Variants in HOXA1 observed in about 807,000 individuals in gnomAD.
The protein encoded by HOXA1 is homeobox protein Hox-A1.
Under a neutral mutation model 28.3 loss-of-function variants are expected in HOXA1, and 21 were observed. The ratio of observed to expected loss-of-function variants is 0.74; its 90% CI spans 0.53 to 1.07. The LOEUF (loss-of-function observed/expected upper bound fraction) is 1.07, where lower values mean the gene tolerates loss of function less well. HOXA1 is among the 50% of genes least tolerant of loss of function. HOXA1 has a pLI of 0.00. For missense variants in HOXA1, 446 were observed against 434.3 expected (o/e 1.03, Z -0.24); for synonymous variants, 208 against 181.2 (o/e 1.15, Z -1.19).
rs141900601 is a variant in HOXA1 at position 27,094,696 on chromosome 7, T to C, written c.752A>G (p.Asn251Ser). Residue 251 changes from asparagine (N) to serine (S), a missense_variant, in exon 2 of 2, where the codon AAC (asparagine) becomes AGC (serine). Physicochemically the swap from Asn to Ser is conservative, Grantham distance 46. Transcript: ENST00000643460. Reference protein sequence around the residue: ...LTELEKEFHFNKYLTRARRVE... With the variant: ...LTELEKEFHFSKYLTRARRVE... Reference sequence around the variant, plus strand: ...CCTGCGGGCGCGCGTCAGGTACTTGTTGAAGTGGAACTCCTTCTCCAGTTC... The same window carrying C: ...CCTGCGGGCGCGCGTCAGGTACTTGCTGAAGTGGAACTCCTTCTCCAGTTC... 14 of 1,614,062 alleles carry C rather than the reference T, an allele frequency of 8.7e-6. No homozygotes were observed. The highest frequency in any genetic ancestry group is 1.1e-5 in the Non-Finnish European group (13 of 1,180,034).
rs751378994 is a variant in HOXA1, at chr7:27,095,729, C to T, written c.184G>A (p.Gly62Ser). ...TGGTGGTGGTGGTGGTGGGGCGAACCGATCTGCACCCCCCTGCCCACTAGG... is the reference window on the plus strand; with the variant it reads ...TGGTGGTGGTGGTGGTGGGGCGAACTGATCTGCACCCCCCTGCCCACTAGG... Reference protein sequence around the residue: ...RFLVGRGVQIGSPHHHHHHHH... With the variant: ...RFLVGRGVQISSPHHHHHHHH... Residue 62 changes from glycine (G) to serine (S), a missense_variant, in exon 1 of 2, where the codon GGT becomes AGT. By Grantham distance (56) the Gly-to-Ser change is moderately conservative (BLOSUM62 0). Transcript: ENST00000643460. The T allele has an allele frequency of 3.1e-6, 5 of 1,613,226 alleles. No individual in the cohort carries two copies. The highest frequency in any genetic ancestry group is 1.7e-4 in the Middle Eastern group (1 of 6,060).
chr7:27,095,172 A>T, intron 1 of HOXA1, 89 bp downstream of exon 1: 14 of 1,438,132 alleles, frequency 9.7e-6, no homozygotes, highest in Non-Finnish European at 1.2e-5. Flanking sequence ...GCCTTTTAAA[A>T]AAAAGATCAT....
In HOXA1 at chr7:27,094,165, T is replaced by C. The variant is rs1224503749; in HGVS notation, c.*275A>G. The C allele has an allele frequency of 2.2e-6, 1 of 458,380 alleles. No homozygotes were observed. The highest frequency in any genetic ancestry group is 2.0e-5 in the African/African-American group (1 of 50,868). The allele number at this position is 458,380 out of a possible 1,614,324, so 28.4% of individuals were successfully genotyped here. A position where few individuals can be genotyped will look rare whatever the true frequency, so the allele number is the denominator to read the frequency against. ...CCAAAAGGTCATCTGAAAGGAACAGTAGGTTCTGTGAATTCTCCTAAAAGC... is the reference window on the plus strand; with the variant it reads ...CCAAAAGGTCATCTGAAAGGAACAGCAGGTTCTGTGAATTCTCCTAAAAGC... On this transcript the variant is annotated 3_prime_UTR_variant, in exon 2 of 2. Coordinates refer to ENST00000643460, the MANE Select transcript of HOXA1 (RefSeq NM_005522.5).
In HOXA1 at chr7:27,094,517, A is replaced by G; in HGVS notation, c.931T>C (p.Ser311Pro). ...CAGGGCGAAGAGCTGGACTTCTCTG[A>G]GGATTCCTCGGCCTTCTCGTCGTTT... is the stretch of plus-strand genomic sequence containing the variant. ...PGNDEKAEES[S>P]EKSSSSPCVP... Residue 311 changes from serine (S) to proline (P), a missense_variant, in exon 2 of 2, where the codon TCA becomes CCA. Coordinates refer to ENST00000643460, the MANE Select transcript of HOXA1 (RefSeq NM_005522.5). 2 of 1,614,210 alleles carry G rather than the reference A, an allele frequency of 1.2e-6. No individual in the cohort carries two copies. Among genetic ancestry groups the G allele is most frequent in the Non-Finnish European group, 1.7e-6 (2 of 1,180,042 alleles).
chr7:27,094,008 C>T lies in HOXA1; in HGVS notation c.*432G>A, dbSNP rs143106423. On this transcript the variant is annotated 3_prime_UTR_variant, in exon 2 of 2. Coordinates refer to ENST00000643460, the MANE Select transcript of HOXA1 (RefSeq NM_005522.5). Reference sequence around the variant, plus strand: ...GTAAACATATAGTGCATCTCTTCTTCCTGAGCTCCTGGACTCGCCTTTCGC... The same window carrying T: ...GTAAACATATAGTGCATCTCTTCTTTCTGAGCTCCTGGACTCGCCTTTCGC... 15 of 186,908 alleles carry T rather than the reference C, an allele frequency of 8.0e-5. No individual in the cohort carries two copies. Among genetic ancestry groups the T allele is most frequent in the Non-Finnish European group, 1.5e-4 (13 of 87,212 alleles). The allele number at this position is 186,908 out of a possible 1,614,324, so 11.6% of individuals were successfully genotyped here.
intron 1 of HOXA1, 26 bp from the exon 2 acceptor site, chr7:27,094,821 A>T: frequency 6.3e-7 from 1 of 1,576,256 alleles, no homozygotes; most frequent in South Asian, 1.1e-5. Context: ...AAGCCATGAG[A>T]CGGAAATGTA....
chr7:27,095,467 T>C lies in HOXA1; in HGVS notation c.446A>G (p.Tyr149Cys). Reference protein sequence around the residue: ...MVQHHHHHQGYAGGAVGSPQY... With the variant: ...MVQHHHHHQGCAGGAVGSPQY... ...AGGCGAGCCCACCGCGCCCCCAGCA[T>C]AACCCTGGTGGTGGTGGTGATGCTG... The change falls in exon 1 of 2, where the codon TAT becomes TGT. Residue 149 changes from tyrosine to cysteine, a missense_variant. Transcript: ENST00000643460. The C allele has an allele frequency of 6.2e-7, 1 of 1,614,142 alleles. No homozygotes were observed. Among genetic ancestry groups the C allele is most frequent in the Non-Finnish European group, 8.5e-7 (1 of 1,180,026 alleles).
In HOXA1 at chr7:27,093,555, A is replaced by T. The variant is rs1446822386; in HGVS notation, c.*885T>A. ...CATTGTGCCATCCATCACATTAACA[A>T]TTGAGCTGAAAATACATTATATCCA... is the stretch of plus-strand genomic sequence containing the variant. On this transcript the variant is annotated 3_prime_UTR_variant, in exon 2 of 2. Coordinates refer to ENST00000643460, the MANE Select transcript of HOXA1 (RefSeq NM_005522.5). The T allele has an allele frequency of 6.5e-6, 1 of 152,706 alleles. No individual in the cohort carries two copies. The highest frequency in any genetic ancestry group is 1.5e-5 in the Non-Finnish European group (1 of 68,052). 9.5% of individuals were successfully genotyped at this position (152,706 alleles called of 1,614,324 possible). A position where few individuals can be genotyped will look rare whatever the true frequency, so the allele number is the denominator to read the frequency against.
At position 27,095,782 on chromosome 7, in the gene HOXA1, G is replaced by T; in HGVS notation, c.131C>A (p.Ala44Asp). The T allele has an allele frequency of 6.2e-7, 1 of 1,613,434 alleles. No individual in the cohort carries two copies. The highest frequency in any genetic ancestry group is 8.5e-7 in the Non-Finnish European group (1 of 1,179,602). Residue 44 changes from alanine to aspartate, a missense_variant, in exon 1 of 2, where the codon GCC becomes GAC. Physicochemically the swap from Ala to Asp is moderately radical, Grantham distance 126. Transcript: ENST00000643460. ...GCGGTCGTCGCCGCCGCAACTGTTG[G>T]CGCTGACCGCGCACGACTGGAAAGT... ...ITTFQSCAVS[A>D]NSCGGDDRFL...
Position 27,093,390 on chromosome 7 carries a change from G to C in HOXA1, c.*1050C>G, listed in dbSNP as rs1362896154. The stretch of plus-strand genomic sequence containing the variant: ...GATCATATCACTCCAGGATCTCAGA[G>C]CTGTTCATGATTGTACAGGAAATGG... On this transcript the variant is annotated 3_prime_UTR_variant, in exon 2 of 2. Coordinates refer to ENST00000643460, the MANE Select transcript of HOXA1 (RefSeq NM_005522.5). The C allele has an allele frequency of 6.6e-6, 1 of 152,630 alleles. No individual in the cohort carries two copies. The highest frequency in any genetic ancestry group is 1.5e-5 in the Non-Finnish European group (1 of 68,036). The allele number at this position is 152,630 out of a possible 1,614,324, so 9.5% of individuals were successfully genotyped here. A position where few individuals can be genotyped will look rare whatever the true frequency, so the allele number is the denominator to read the frequency against.
In HOXA1 at chr7:27,095,297, C is replaced by G. The variant is rs1396188553; in HGVS notation, c.616G>C (p.Asp206His). 1 of 1,613,932 alleles carries G rather than the reference C, an allele frequency of 6.2e-7. No homozygotes were observed. The highest frequency in any genetic ancestry group is 1.3e-5 in the African/African-American group (1 of 74,890). ...SETSSPAQTF[D>H]WMKVKRNPPK... is the part of the protein sequence containing the mutation. ...GGGTTTCTTTTGACTTTCATCCAGT[C>G]AAAAGTCTGCGCTGGAGAAGATGTC... The change falls in exon 1 of 2, where the codon GAC (aspartate) becomes CAC (histidine). Residue 206 changes from aspartate (D) to histidine (H), a missense_variant. Coordinates refer to ENST00000643460, the MANE Select transcript of HOXA1 (RefSeq NM_005522.5).
rs772220119 is a variant in HOXA1 at position 27,095,890 on chromosome 7, G to A, written c.23C>T (p.Ser8Phe). Residue 8 changes from serine (S) to phenylalanine (F), a missense_variant, in exon 1 of 2, where the codon TCC (serine) becomes TTC (phenylalanine). Physicochemically the swap from Ser to Phe is radical, Grantham distance 155. Transcript: ENST00000643460. The stretch of plus-strand genomic sequence containing the variant: ...GCTAAGTATGGGGTATTCCAGGAAG[G>A]AGTTCATTCTTGCATTGTCCATCTG... MDNARMN[S>F]FLEYPILSSG... The A allele has an allele frequency of 3.1e-6, 5 of 1,613,706 alleles. No homozygotes were observed. The highest frequency in any genetic ancestry group is 4.2e-6 in the Non-Finnish European group (5 of 1,180,010).
rs1292363086 is a variant in HOXA1 at position 27,095,803 on chromosome 7, A to C, written c.110T>G (p.Phe37Cys). The change falls in exon 1 of 2, where the codon TTC (phenylalanine) becomes TGC (cysteine). Residue 37 changes from phenylalanine to cysteine, a missense_variant. Phe to Cys is a radical substitution (Grantham distance 205). Transcript: ENST00000643460. ...AYPSDHRITT[F>C]QSCAVSANSC... ...GTTGGCGCTGACCGCGCACGACTGG[A>C]AAGTTGTAATCCTATGGTCCGAGGG... The C allele has an allele frequency of 1.2e-6, 2 of 1,613,664 alleles. No homozygotes were observed. The highest frequency in any genetic ancestry group is 1.7e-6 in the Non-Finnish European group (2 of 1,179,742).
Position 27,093,521 on chromosome 7 carries a change from A to G in HOXA1, c.*919T>C, listed in dbSNP as rs895323967. The stretch of plus-strand genomic sequence containing the variant: ...AAAGACTATTCACGAATAACACAAA[A>G]TATACATTCATTGTGCCATCCATCA... On this transcript the variant is annotated 3_prime_UTR_variant, in exon 2 of 2. Transcript: ENST00000643460. The G allele has an allele frequency of 6.5e-6, 1 of 152,678 alleles. No homozygotes were observed. 9.5% of individuals were successfully genotyped at this position (152,678 alleles called of 1,614,324 possible). A position where few individuals can be genotyped will look rare whatever the true frequency, so the allele number is the denominator to read the frequency against.
intron 1 of HOXA1, 132 bp from the exon 2 acceptor site, chr7:27,094,927 G>T (rs746342260): frequency 5.6e-5 from 41 of 731,904 alleles, no homozygotes; most frequent in Non-Finnish European, 9.2e-5. Context: ...GGCTGTGGAG[G>T]GTGAGTGATG....
chr7:27,095,971 TCCTC>T lies in HOXA1; in HGVS notation c.-63_-60del. ...GCGTGACTGTGCCAACTTTCTCACT[TCCTC>T]CATGGGGCCGGAGAAGAAAAATGAT... On this transcript the variant is annotated 5_prime_UTR_variant, in exon 1 of 2. It introduces an in-frame stop codon into an upstream open reading frame of the 5' UTR. Transcript: ENST00000643460. The T allele has an allele frequency of 4.4e-6, 5 of 1,134,118 alleles. No individual in the cohort carries two copies. The highest frequency in any genetic ancestry group is 4.8e-6 in the Non-Finnish European group (4 of 828,440). The allele number at this position is 1,134,118 out of a possible 1,614,324, so 70.3% of individuals were successfully genotyped here.
rs1483031305 is a variant in HOXA1, at chr7:27,093,369, A to T, written c.*1071T>A. On this transcript the variant is annotated 3_prime_UTR_variant, in exon 2 of 2. Transcript: ENST00000643460. Reference sequence around the variant, plus strand: ...AGACCCGTAAACTCTGCTCTGGATCATATCACTCCAGGATCTCAGAGCTGT... The same window carrying T: ...AGACCCGTAAACTCTGCTCTGGATCTTATCACTCCAGGATCTCAGAGCTGT... 2 of 152,678 alleles carry T rather than the reference A, an allele frequency of 1.3e-5. No individual in the cohort carries two copies. The highest frequency in any genetic ancestry group is 4.8e-5 in the African/African-American group (2 of 41,452). The allele number at this position is 152,678 out of a possible 1,614,324, so 9.5% of individuals were successfully genotyped here. A position where few individuals can be genotyped will look rare whatever the true frequency, so the allele number is the denominator to read the frequency against.
At position 27,094,549 on chromosome 7, in the gene HOXA1, G is replaced by C. The variant is rs756302694; in HGVS notation, c.899C>G (p.Pro300Arg). Residue 300 changes from proline to arginine, a missense_variant, in exon 2 of 2, where the codon CCG (proline) becomes CGG (arginine). Pro to Arg is a moderately radical substitution (Grantham distance 103). Transcript: ENST00000643460. Reference sequence around the variant, plus strand: ...CTCGGCCTTCTCGTCGTTTCCTGGCGGGGTGGCCGGAGAGATGGGCAAGAG... The same window carrying C: ...CTCGGCCTTCTCGTCGTTTCCTGGCCGGGTGGCCGGAGAGATGGGCAAGAG... ...EGLLPISPAT[P>R]PGNDEKAEES... The C allele has an allele frequency of 6.2e-7, 1 of 1,614,058 alleles. No individual in the cohort carries two copies. Among genetic ancestry groups the C allele is most frequent in the South Asian group, 1.1e-5 (1 of 91,086 alleles).
Position 27,094,453 on chromosome 7 carries a change from G to T in HOXA1, c.995C>A (p.Thr332Asn). 1 of 1,613,226 alleles carries T rather than the reference G, an allele frequency of 6.2e-7. No individual in the cohort carries two copies. The highest frequency in any genetic ancestry group is 8.5e-7 in the Non-Finnish European group (1 of 1,179,194). The change falls in exon 2 of 2, where the codon ACT becomes AAT. Residue 332 changes from threonine (T) to asparagine (N), a missense_variant. Coordinates refer to ENST00000643460, the MANE Select transcript of HOXA1 (RefSeq NM_005522.5). Reference protein sequence around the residue: ...SPGSSTSDTLTTSH With the variant: ...SPGSSTSDTLNTSH Reference sequence around the variant, plus strand: ...GCTGGAGCCGCCTCAGTGGGAGGTAGTCAGAGTGTCTGAGGTAGAAGACCC... The same window carrying T: ...GCTGGAGCCGCCTCAGTGGGAGGTATTCAGAGTGTCTGAGGTAGAAGACCC...
Sources: gnomAD v4.1 joint callset for allele counts on GRCh38, gnomAD v4.1.1 for gene constraint, MANE v1.5 for transcripts, NCBI Gene and HGNC (gene_info 2026-07-23, HGNC 2026-07-21) for gene names.